Variants in ACADSB observed in about 807,000 individuals in gnomAD.
ACADSB encodes acyl-CoA dehydrogenase short/branched chain.
Under a neutral mutation model 54.1 loss-of-function variants are expected in ACADSB, and 40 were observed. The observed-to-expected ratio is 0.74, with a 90% confidence interval of 0.57 to 0.96. ACADSB has a LOEUF of 0.96. Among genes scored for constraint, ACADSB ranks in the 40% least tolerant of loss-of-function variants. The pLI, the probability that ACADSB is intolerant of heterozygous loss-of-function variation, is 0.00. For missense variants in ACADSB, 530 were observed against 510.4 expected (o/e 1.04, Z -0.37); for synonymous variants, 182 against 182.8 (o/e 1.00, Z 0.03).
At chr10:123,012,838 T>C (rs1041888678) in intron 1 of ACADSB, among the ~76,000 whole-genome samples, 1 of 152,196 alleles carries the variant, frequency 6.6e-6, no homozygotes, top group African/African-American at 2.4e-5. Context: ...GGGGACCCGA[T>C]TGGATTGCCA....
At position 123,043,180 on chromosome 10, in the gene ACADSB, C is replaced by T. The variant is rs780003340; in HGVS notation, c.807+9C>T. On this transcript the variant is annotated intron_variant, in intron 6 of 10. Transcript: ENST00000358776. ...CATTCGAAAATGTCAAGGTGGGTAT[C>T]GTAGACTAATCAGTAAAAGACTGAT... The T allele has an allele frequency of 1.7e-5, 27 of 1,613,170 alleles. No homozygotes were observed. The highest frequency in any genetic ancestry group is 1.3e-4 in the South Asian group (12 of 91,060).
intron 6 of ACADSB, among the ~76,000 whole-genome samples, chr10:123,043,795 T>C (rs1353404717): frequency 6.6e-6 from 1 of 152,192 alleles, no homozygotes; most frequent in Admixed American, 6.5e-5. Context: ...TTCTCCATTC[T>C]TCCCTGCTCT....
intron 1 of ACADSB, among the ~76,000 whole-genome samples, chr10:123,013,880 T>C (rs549421488): frequency 5.1e-4 from 77 of 152,178 alleles, no homozygotes; most frequent in Non-Finnish European, 9.1e-4. Flanking sequence ...CGCCCATGCC[T>C]CTCCCTCCAC....
At chr10:123,009,193 G>C in intron 1 of ACADSB, 122 bp downstream of exon 1, 1 of 1,112,278 alleles carries the variant, frequency 9.0e-7, no homozygotes, top group Non-Finnish European at 1.3e-6. Context: ...CACGTCCTGG[G>C]TCCCCAGACT....
chr10:123,025,298 A>G (rs556397044), intron 1 of ACADSB, among the ~76,000 whole-genome samples: 95 of 151,892 alleles, frequency 6.3e-4, no homozygotes, highest in African/African-American at 2.2e-3. Flanking sequence ...CTCTGCAACA[A>G]CAAGAACAAC....
intron 1 of ACADSB, among the ~76,000 whole-genome samples, chr10:123,019,849 C>T (rs527375768): frequency 2.0e-4 from 30 of 152,324 alleles, no homozygotes; most frequent in Admixed American, 7.8e-4. Flanking sequence ...TATAACCACT[C>T]GCTACCCCTA....
rs1482558881 is a variant in ACADSB, at chr10:123,055,123, A to G, written c.*1358A>G. 1 of 153,620 alleles carries G rather than the reference A, an allele frequency of 6.5e-6. No homozygotes were observed. The highest frequency in any genetic ancestry group is 2.4e-5 in the African/African-American group (1 of 41,478). The allele number at this position is 153,620 out of a possible 1,614,324, so 9.5% of individuals were successfully genotyped here. On this transcript the variant is annotated 3_prime_UTR_variant, in exon 11 of 11. Transcript: ENST00000358776. ...ATAAACAGGCAAAATGCAATAAAATATATATCTGGTTGTATTAGTCTGTTT... is the reference window on the plus strand; with the variant it reads ...ATAAACAGGCAAAATGCAATAAAATGTATATCTGGTTGTATTAGTCTGTTT...
At chr10:123,047,661 T>C (rs1427524560) in intron 8 of ACADSB, among the ~76,000 whole-genome samples, 1 of 152,132 alleles carries the variant, frequency 6.6e-6, no homozygotes, top group East Asian at 1.9e-4. Flanking sequence ...CTCATTCTAG[T>C]CTTAAACTGC....
intron 1 of ACADSB, among the ~76,000 whole-genome samples, chr10:123,031,482 G>GA (rs1850326383): frequency 6.6e-6 from 1 of 152,202 alleles, no homozygotes; most frequent in African/African-American, 2.4e-5. Flanking sequence ...TATAACTGTG[G>GA]AAAATCATTT....
At chr10:123,038,489 TA>T (rs1282178376) in intron 3 of ACADSB, among the ~76,000 whole-genome samples, 2 of 151,878 alleles carry the variant, frequency 1.3e-5, no homozygotes, top group Non-Finnish European at 2.9e-5. Flanking sequence ...TCACTGTGAG[TA>T]GGGGGAGGGG....
At position 123,037,867 on chromosome 10, in the gene ACADSB, C is replaced by T. The variant is rs1346867721; in HGVS notation, c.303+20C>T. On this transcript the variant is annotated intron_variant, in intron 3 of 10. Transcript: ENST00000358776. ...CAAGGGGTACATTTCATAATTCTTCCACTTTCAAGCTTCTATAATTAAATT... is the reference window on the plus strand; with the variant it reads ...CAAGGGGTACATTTCATAATTCTTCTACTTTCAAGCTTCTATAATTAAATT... The T allele has an allele frequency of 6.8e-7, 1 of 1,473,878 alleles. No homozygotes were observed. The highest frequency in any genetic ancestry group is 1.1e-5 in the South Asian group (1 of 88,132). The allele number at this position is 1,473,878 out of a possible 1,614,324, so 91.3% of individuals were successfully genotyped here. A position where few individuals can be genotyped will look rare whatever the true frequency, so the allele number is the denominator to read the frequency against.
chr10:123,057,735 A>C lies in ACADSB; in HGVS notation c.*3970A>C, dbSNP rs1340801235. 1 of 152,260 alleles carries C rather than the reference A, an allele frequency of 6.6e-6. No individual in the cohort carries two copies. Among genetic ancestry groups the C allele is most frequent in the Non-Finnish European group, 1.5e-5 (1 of 68,050 alleles). 9.4% of individuals were successfully genotyped at this position (152,260 alleles called of 1,614,324 possible). Reference sequence around the variant, plus strand: ...GAAAGTTAAAATCTAGAAAGACCTTAGAGAACCAGCCAACCAACTCTCTCA... The same window carrying C: ...GAAAGTTAAAATCTAGAAAGACCTTCGAGAACCAGCCAACCAACTCTCTCA... On this transcript the variant is annotated 3_prime_UTR_variant, in exon 11 of 11. Transcript: ENST00000358776.
chr10:123,035,651 C>T (rs980437078), intron 2 of ACADSB, among the ~76,000 whole-genome samples: 2 of 152,164 alleles, frequency 1.3e-5, no homozygotes, highest in East Asian at 1.9e-4. Flanking sequence ...GCTGTGTTTT[C>T]GTCCAGAGCT....
intron 5 of ACADSB, among the ~76,000 whole-genome samples, chr10:123,042,457 CTTT>C (rs60480402): frequency 1.5e-4 from 17 of 115,788 alleles, no homozygotes; most frequent in Admixed American, 5.4e-4. Context: ...ATTGTTAAAA[CTTT>C]TTTTTTTTTT....
chr10:123,021,248 A>G (rs538104702), intron 1 of ACADSB, among the ~76,000 whole-genome samples: 2 of 152,346 alleles, frequency 1.3e-5, no homozygotes, highest in South Asian at 2.1e-4. Flanking sequence ...AATCCATTCA[A>G]TCTTAATCAG....
chr10:123,051,533 C>T (rs143379529), intron 9 of ACADSB, among the ~76,000 whole-genome samples: 419 of 152,206 alleles, frequency 2.8e-3, no homozygotes, highest in African/African-American at 9.7e-3. Context: ...GGCTGAGCCT[C>T]CTCTGAATGA....
chr10:123,053,099 G>A lies in ACADSB; in HGVS notation c.1167G>A (p.Met389Ile), dbSNP rs527879729. 6.2e-7 allele frequency: 1 copy of A among 1,613,858 alleles called. No individual in the cohort carries two copies. The highest frequency in any genetic ancestry group is 2.2e-5 in the East Asian group (1 of 44,856). ...CAACGAGTAAATGTATCGAGTGGAT[G>A]GGGGGAGTAGGCTACACCAAAGATT... ...GQTTSKCIEW[M>I]GGVGYTKDYP... Residue 389 changes from methionine (M) to isoleucine (I), a missense_variant, in exon 10 of 11, where the codon ATG becomes ATA. Transcript: ENST00000358776.
At chr10:123,024,724 GC>G (rs1240827296) in intron 1 of ACADSB, among the ~76,000 whole-genome samples, 1 of 152,246 alleles carries the variant, frequency 6.6e-6, no homozygotes, top group Non-Finnish European at 1.5e-5. Flanking sequence ...ACAGGGTGGG[GC>G]CGGGCCCAAG....
At chr10:123,053,243 T>TTG in intron 10 of ACADSB, 83 bp downstream of exon 10, 2 of 1,187,702 alleles carry the variant, frequency 1.7e-6, no homozygotes, top group Non-Finnish European at 2.4e-6. Context: ...GTCGTTTTTT[T>TTG]CCTAGGTAAA....
Sources: gnomAD v4.1 joint callset for allele counts (sites outside exome capture counted in the v4.1 genomes callset) on GRCh38, gnomAD v4.1.1 for gene constraint, MANE v1.5 for transcripts, NCBI Gene and HGNC (gene_info 2026-07-23, HGNC 2026-07-21) for gene names.